CCBE1: variants seen among roughly 807,000 people sequenced by gnomAD.
The protein encoded by CCBE1 is collagen and calcium-binding EGF domain-containing protein 1.
Under a neutral mutation model 50.0 loss-of-function variants are expected in CCBE1, and 37 were observed. That is an observed-to-expected ratio of 0.74 (90% CI 0.57 to 0.97). The LOEUF is 0.97. Among genes scored for constraint, CCBE1 ranks in the 50% least tolerant of loss-of-function variants. The pLI is 0.00. For synonymous variants in CCBE1, 234 were observed against 203.7 expected (o/e 1.15, Z -1.27); for missense variants, 538 against 523.8 (o/e 1.03, Z -0.26).
At chr18:59,477,757 T>C (rs1455445807) in intron 3 of CCBE1, among the ~76,000 whole-genome samples, 1 of 152,104 alleles carries the variant, frequency 6.6e-6, no homozygotes, top group Non-Finnish European at 1.5e-5. Flanking sequence ...GGGGAAAGGG[T>C]TAGTGTGTTT....
intron 2 of CCBE1, chr18:59,563,630 G>A (rs2052775576): frequency 6.6e-6 from 1 of 152,210 alleles, no homozygotes; most frequent in South Asian, 2.1e-4. Flanking sequence ...CCAGGGCTAT[G>A]ATTCCAGTCA....
At chr18:59,596,313 C>G (rs2053350047) in intron 2 of CCBE1, among the ~76,000 whole-genome samples, 1 of 152,180 alleles carries the variant, frequency 6.6e-6, no homozygotes, top group South Asian at 2.1e-4. Context: ...GAGAACAGCA[C>G]ACAATGGCAG....
chr18:59,684,635 C>T (rs1009205827), intron 2 of CCBE1, among the ~76,000 whole-genome samples: 3 of 152,162 alleles, frequency 2.0e-5, no homozygotes, highest in Non-Finnish European at 4.4e-5. Context: ...GTTGCATTTC[C>T]TTTTATTTCT....
intron 10 of CCBE1, among the ~76,000 whole-genome samples, chr18:59,436,512 G>C (rs928124102): frequency 1.3e-5 from 2 of 152,156 alleles, no homozygotes; most frequent in African/African-American, 4.8e-5. Flanking sequence ...TCTCATCTCT[G>C]CCGCTTACTA....
At chr18:59,580,959 G>T (rs999583474) in intron 2 of CCBE1, among the ~76,000 whole-genome samples, 1 of 152,182 alleles carries the variant, frequency 6.6e-6, no homozygotes, top group African/African-American at 2.4e-5. Flanking sequence ...ATGAGGAGAG[G>T]CACCAGAGCT....
At chr18:59,604,179 C>T (rs1318185097) in intron 2 of CCBE1, among the ~76,000 whole-genome samples, 4 of 152,202 alleles carry the variant, frequency 2.6e-5, no homozygotes, top group African/African-American at 7.2e-5. Flanking sequence ...ATAAGAGCTT[C>T]GCTGACGGAG....
At chr18:59,474,074 T>C (rs1912192852) in intron 3 of CCBE1, among the ~76,000 whole-genome samples, 1 of 152,236 alleles carries the variant, frequency 6.6e-6, no homozygotes, top group African/African-American at 2.4e-5. Context: ...GATTTCATTC[T>C]TTTTTATGAC....
At chr18:59,603,172 C>T (rs559391874) in intron 2 of CCBE1, among the ~76,000 whole-genome samples, 7 of 152,318 alleles carry the variant, frequency 4.6e-5, no homozygotes, top group Middle Eastern at 3.4e-3. Flanking sequence ...ATCATTTGCT[C>T]AGAAGATTCT....
chr18:59,462,269 T>C (rs919620826), intron 5 of CCBE1, among the ~76,000 whole-genome samples: 2 of 152,202 alleles, frequency 1.3e-5, no homozygotes, highest in Non-Finnish European at 2.9e-5. Context: ...CATCCTTGCC[T>C]GAACGTTGAC....
chr18:59,460,433 T>C (rs1303129078), intron 5 of CCBE1, among the ~76,000 whole-genome samples: 1 of 152,236 alleles, frequency 6.6e-6, no homozygotes, highest in African/African-American at 2.4e-5. Context: ...AACGAAATAT[T>C]GAGCTTACTA....
chr18:59,549,163 T>C (rs1050184869), intron 2 of CCBE1, among the ~76,000 whole-genome samples: 20 of 151,520 alleles, frequency 1.3e-4, no homozygotes, highest in African/African-American at 4.6e-4. Flanking sequence ...CTTGGATATA[T>C]AGACCACACC....
intron 2 of CCBE1, among the ~76,000 whole-genome samples, chr18:59,546,097 A>C (rs1915671049): frequency 6.6e-6 from 1 of 152,230 alleles, no homozygotes; most frequent in South Asian, 2.1e-4. Flanking sequence ...GGGTCAATCT[A>C]TTCTCTCACC....
intron 2 of CCBE1, among the ~76,000 whole-genome samples, chr18:59,486,122 A>G (rs1912814505): frequency 6.6e-6 from 1 of 152,172 alleles, no homozygotes; most frequent in Non-Finnish European, 1.5e-5. Flanking sequence ...GCTGAGCTTC[A>G]GACTCCTCAT....
chr18:59,642,948 C>CAAAAAAA (rs10683687), intron 2 of CCBE1, among the ~76,000 whole-genome samples: 1 of 94,166 alleles, frequency 1.1e-5, no homozygotes, highest in African/African-American at 4.1e-5. Flanking sequence ...GACTCCACCT[C>CAAAAAAA]AAAAAAAAAA....
chr18:59,566,531 T>C (rs781393913), intron 2 of CCBE1, among the ~76,000 whole-genome samples: 2 of 152,194 alleles, frequency 1.3e-5, no homozygotes, highest in Non-Finnish European at 2.9e-5. Flanking sequence ...TTATCCTTAA[T>C]ACATGGTTTT....
intron 2 of CCBE1, among the ~76,000 whole-genome samples, chr18:59,554,871 C>G (rs973311089): frequency 6.6e-6 from 1 of 152,068 alleles, no homozygotes; most frequent in East Asian, 1.9e-4. Flanking sequence ...CTCCCCTTGC[C>G]TAGCCACTAC....
intron 2 of CCBE1, among the ~76,000 whole-genome samples, chr18:59,587,255 C>G (rs1157444806): frequency 6.6e-6 from 1 of 152,142 alleles, no homozygotes; most frequent in East Asian, 1.9e-4. Context: ...AAATCCTAAA[C>G]AAAATGTTAA....
intron 2 of CCBE1, among the ~76,000 whole-genome samples, chr18:59,640,138 T>A (rs1295519810): frequency 6.6e-6 from 1 of 152,162 alleles, no homozygotes; most frequent in East Asian, 1.9e-4. Flanking sequence ...AAAACGATTT[T>A]AAAATTCATT....
At chr18:59,693,299 A>C (rs1042391141) in intron 2 of CCBE1, among the ~76,000 whole-genome samples, 3 of 152,042 alleles carry the variant, frequency 2.0e-5, no homozygotes, top group South Asian at 4.1e-4. Context: ...GTAATGCAAA[A>C]TTTTTTAAAT....
Sources: allele counts gnomAD v4.1 joint callset (sites outside exome capture counted in the v4.1 genomes callset), GRCh38; gene constraint gnomAD v4.1.1; transcripts MANE v1.5; gene names NCBI Gene and HGNC (gene_info 2026-07-23, HGNC 2026-07-21).